Variants in RHOBTB1 observed in about 807,000 individuals in gnomAD.
RHOBTB1 encodes the protein Rho related BTB domain containing 1, also known as rho-related BTB domain-containing protein 1.
RHOBTB1 carries 40 observed loss-of-function variants against 71.6 expected under a neutral mutation model. The observed-to-expected ratio is 0.56, with a 90% CI of 0.43 to 0.73. The LOEUF (loss-of-function observed/expected upper bound fraction) is 0.73, where lower values mean the gene tolerates loss of function less well. Ranked by LOEUF, RHOBTB1 falls within the 30% of genes least tolerant of loss-of-function variation. RHOBTB1 has a pLI of 0.00. For missense variants in RHOBTB1, 797 were observed against 894.0 expected (o/e 0.89, Z 1.38); for synonymous variants, 319 against 334.9 (o/e 0.95, Z 0.52).
At chr10:60,911,061 C>A in intron 3 of RHOBTB1, 71 bp from the exon 4 acceptor site, 1 of 1,176,116 alleles carries the variant, frequency 8.5e-7, no homozygotes, top group South Asian at 1.2e-5. Context: ...GTGTTCAAGT[C>A]AGCACCCTCA....
intron 2 of RHOBTB1, among the ~76,000 whole-genome samples, chr10:60,930,419 G>A (rs1212888395): frequency 6.6e-6 from 1 of 152,268 alleles, no homozygotes; most frequent in African/African-American, 2.4e-5. Flanking sequence ...TAGAAGTTAT[G>A]CTTATGATGA....
chr10:60,986,061 G>T (rs997071814), intron 1 of RHOBTB1: 1 of 152,122 alleles, frequency 6.6e-6, no homozygotes, highest in Non-Finnish European at 1.5e-5. Flanking sequence ...AAGTATGCCA[G>T]CCAACTACAT....
rs1308584170 is a variant in RHOBTB1, at chr10:60,871,186, G to A, written c.*296C>T. 7.6e-6 allele frequency: 2 copies of A among 262,590 alleles called. No homozygotes were observed. Among genetic ancestry groups the A allele is most frequent in the African/African-American group, 4.4e-5 (2 of 45,096 alleles). The allele number at this position is 262,590 out of a possible 1,614,324, so 16.3% of individuals were successfully genotyped here. A position where few individuals can be genotyped will look rare whatever the true frequency, so the allele number is the denominator to read the frequency against. On this transcript the variant is annotated 3_prime_UTR_variant, in exon 11 of 11. Transcript: ENST00000337910. ...CATGAAAGCTGAATTTTTTTTCTTT[G>A]TATAAAAAGAAACAAAATAACAGAC...
chr10:60,971,087 T>C (rs986230936), intron 2 of RHOBTB1, among the ~76,000 whole-genome samples: 7 of 152,076 alleles, frequency 4.6e-5, no homozygotes, highest in African/African-American at 1.7e-4. Context: ...TCATTATTGA[T>C]GTAATTAATA....
Position 60,955,469 on chromosome 10 carries a change from C to A in RHOBTB1, c.-61-13615G>T, listed in dbSNP as rs537829097. 1.7e-3 allele frequency among the ~76,000 whole-genome samples: 264 copies of A among 152,212 alleles called. 1 individual carries two copies. The highest frequency in any genetic ancestry group is 5.6e-3 in the African/African-American group (232 of 41,540). ...ACAGACATGGATCAATCATGCACAGCAATATAACAAGAATGCTTCCTTCTG... is the reference window on the plus strand; with the variant it reads ...ACAGACATGGATCAATCATGCACAGAAATATAACAAGAATGCTTCCTTCTG... On this transcript the variant is annotated intron_variant, in intron 2 of 11. Coordinates refer to the RHOBTB1 transcript ENST00000357917.
intron 2 of RHOBTB1, among the ~76,000 whole-genome samples, chr10:60,974,075 A>C (rs188376292): frequency 6.6e-6 from 1 of 152,190 alleles, no homozygotes; most frequent in Admixed American, 6.6e-5. Flanking sequence ...CATGAAATAT[A>C]ATACTCCTAA....
downstream of RHOBTB1, among the ~76,000 whole-genome samples, chr10:60,865,457 C>T (rs144102811): frequency 2.7e-3 from 410 of 152,220 alleles, 1 homozygote; most frequent in Middle Eastern, 6.8e-3. Context: ...GTTTTTTAAA[C>T]GCAGAAAAAC....
At chr10:60,971,772 A>G (rs973677063) in intron 2 of RHOBTB1, among the ~76,000 whole-genome samples, 1 of 152,210 alleles carries the variant, frequency 6.6e-6, no homozygotes, top group African/African-American at 2.4e-5. Context: ...ACAGAATAGG[A>G]GAAAAATTTT....
At chr10:60,915,348 C>T (rs981789923) in intron 2 of RHOBTB1, among the ~76,000 whole-genome samples, 2 of 151,818 alleles carry the variant, frequency 1.3e-5, no homozygotes, top group Non-Finnish European at 2.9e-5. Context: ...ATTCATTTAA[C>T]ACTATTAATA....
intron 2 of RHOBTB1, among the ~76,000 whole-genome samples, chr10:60,960,874 A>G (rs904649485): frequency 2.6e-5 from 4 of 152,082 alleles, no homozygotes; most frequent in African/African-American, 9.7e-5. Context: ...TTTTGTCACC[A>G]TCATGTCCAC....
At chr10:60,921,549 CCACT>C (rs1423218090) in intron 2 of RHOBTB1, among the ~76,000 whole-genome samples, 1 of 152,204 alleles carries the variant, frequency 6.6e-6, no homozygotes, top group African/African-American at 2.4e-5. Context: ...CACTTCCACC[CCACT>C]GAGATTATAA....
Position 60,880,412 on chromosome 10 carries a change from C to T in RHOBTB1, c.1576-2354G>A, listed in dbSNP as rs184846025. Among the ~76,000 whole-genome samples the T allele has an allele frequency of 8.5e-4, 130 of 152,130 alleles. 1 individual carries two copies. Among genetic ancestry groups the T allele is most frequent in the African/African-American group, 2.9e-3 (122 of 41,482 alleles). On this transcript the variant is annotated intron_variant, in intron 7 of 10. Coordinates refer to ENST00000337910, the MANE Select transcript of RHOBTB1 (RefSeq NM_014836.5). ...ATTCTCCTATGCAGCCACCAGACAC[C>T]TCAGAGAGGGAATATCCTTTCAGAT...
chr10:60,872,944 C>T (rs2080871784), intron 9 of RHOBTB1, among the ~76,000 whole-genome samples: 1 of 152,194 alleles, frequency 6.6e-6, no homozygotes, highest in Non-Finnish European at 1.5e-5. Context: ...GGTGGGCCTG[C>T]TGCGATCCCT....
At chr10:60,867,351 T>C (rs1173839875), downstream of RHOBTB1, among the ~76,000 whole-genome samples, 2 of 152,224 alleles carry the variant, frequency 1.3e-5, no homozygotes, top group African/African-American at 4.8e-5. Context: ...TCCTCATCGA[T>C]TGCCTGTAAT....
At chr10:60,862,711 C>CTTCT in the RHOBTB1 span, among the ~76,000 whole-genome samples, 3 of 126,876 alleles carry the variant, frequency 2.4e-5, no homozygotes, top group Admixed American at 8.7e-5. Context: ...TCTTTCTTTC[C>CTTCT]TTCTTTCTTT....
At position 60,889,055 on chromosome 10, in the gene RHOBTB1, G is replaced by C. The variant is rs774898794; in HGVS notation, c.613C>G (p.Arg205Gly). 6.2e-7 allele frequency: 1 copy of C among 1,614,024 alleles called. No individual in the cohort carries two copies. The highest frequency in any genetic ancestry group is 2.2e-5 in the East Asian group (1 of 44,892). Reference protein sequence around the residue: ...GIKDVFDNAIRAALISRRHLQ... With the variant: ...GIKDVFDNAIGAALISRRHLQ... ...TGCCTGCGGGAAATCAGCGCTGCTC[G>C]GATTGCATTGTCAAACACATCCTTG... The change falls in exon 6 of 11, where the codon CGA (arginine) becomes GGA (glycine). Residue 205 changes from arginine to glycine, a missense_variant. By Grantham distance (125) the Arg-to-Gly change is moderately radical (BLOSUM62 -2). Transcript: ENST00000337910.
At position 60,911,428 on chromosome 10, in the gene RHOBTB1, T is replaced by C; in HGVS notation, c.115A>G (p.Thr39Ala). Residue 39 changes from threonine to alanine, a missense_variant, in exon 3 of 11, where the codon ACA (threonine) becomes GCA (alanine). Physicochemically the swap from Thr to Ala is moderately conservative, Grantham distance 58 (BLOSUM62 0). Transcript: ENST00000337910. ...RLICARACNT[T>A]LTQYQLLATH... ...GCCAGCAGCTGATACTGCGTGAGTG[T>C]GGTGTTGCACGCCCTGGCACAGATC... 1 of 1,614,226 alleles carries C rather than the reference T, an allele frequency of 6.2e-7. No homozygotes were observed. The highest frequency in any genetic ancestry group is 8.5e-7 in the Non-Finnish European group (1 of 1,180,042).
At chr10:60,991,521 C>T (rs1193484809) in intron 1 of RHOBTB1, among the ~76,000 whole-genome samples, 1 of 151,398 alleles carries the variant, frequency 6.6e-6, no homozygotes, top group Non-Finnish European at 1.5e-5. Context: ...ACCTCTGCCT[C>T]CTGGGTTCAA....
At chr10:60,878,159 G>T in intron 7 of RHOBTB1, 101 bp from the exon 8 acceptor site, 2 of 871,504 alleles carry the variant, frequency 2.3e-6, no homozygotes, top group African/African-American at 1.7e-5. Flanking sequence ...ACTTGATATT[G>T]GTGAGTGTTG....
Sources: allele counts gnomAD v4.1 joint callset (sites outside exome capture counted in the v4.1 genomes callset), GRCh38; gene constraint gnomAD v4.1.1; transcripts MANE v1.5; gene names NCBI Gene and HGNC (gene_info 2026-07-23, HGNC 2026-07-21).